Variants in GKAP1 observed in about 807,000 individuals in gnomAD.
GKAP1 encodes the protein G kinase-anchoring protein 1.
A neutral mutation model predicts 56.7 loss-of-function variants in GKAP1; 31 were observed. The observed-to-expected ratio is 0.55, with a 90% CI of 0.41 to 0.74. The LOEUF is 0.74. Ranked by LOEUF, GKAP1 falls within the 30% of genes least tolerant of loss-of-function variation. The pLI is 0.00. For missense variants in GKAP1, 364 were observed against 402.3 expected (o/e 0.90, Z 0.82); for synonymous variants, 151 against 138.6 (o/e 1.09, Z -0.63).
At chr9:83,815,721 T>C (rs954967194) in intron 2 of GKAP1, among the ~76,000 whole-genome samples, 2 of 152,180 alleles carry the variant, frequency 1.3e-5, no homozygotes, top group Non-Finnish European at 2.9e-5. Context: ...TTAATGTAGA[T>C]GCCAATTAGT....
intron 11 of GKAP1, 136 bp downstream of exon 11, chr9:83,742,394 T>G: frequency 1.6e-6 from 1 of 617,506 alleles, no homozygotes; most frequent in Non-Finnish European, 2.8e-6. Context: ...TCTTCATTCA[T>G]GGGCTATTAC....
At chr9:83,749,085 A>G (rs1391507028) in intron 9 of GKAP1, 1 of 152,158 alleles carries the variant, frequency 6.6e-6, no homozygotes, top group Non-Finnish European at 1.5e-5. Context: ...TTCTTCTCAC[A>G]TTACAAAAAT....
At chr9:83,759,120 C>T (rs958546773) in intron 8 of GKAP1, among the ~76,000 whole-genome samples, 1 of 152,152 alleles carries the variant, frequency 6.6e-6, no homozygotes, top group African/African-American at 2.4e-5. Flanking sequence ...AATACCTTGG[C>T]AGCCCCTCCC....
Position 83,768,938 on chromosome 9 carries a change from A to T in GKAP1, c.618T>A (p.Asp206Glu). The change falls in exon 8 of 13, where the codon GAT becomes GAA. Residue 206 changes from aspartate (D) to glutamate (E), a missense_variant. Transcript: ENST00000376371. ...ELSSSQTLSH[D>E]GGFFNRLEDD... is the part of the protein sequence containing the mutation. ...CTTCCAGTCTATTGAAGAATCCTCC[A>T]TCATGTGATAAAGTCTGAGAAGAAC... 1 of 1,610,470 alleles carries T rather than the reference A, an allele frequency of 6.2e-7. No homozygotes were observed. Among genetic ancestry groups the T allele is most frequent in the Non-Finnish European group, 8.5e-7 (1 of 1,178,964 alleles).
At chr9:83,802,802 G>A (rs1944352602) in intron 3 of GKAP1, among the ~76,000 whole-genome samples, 1 of 151,530 alleles carries the variant, frequency 6.6e-6, no homozygotes, top group Admixed American at 6.6e-5. Context: ...CTCCAGCCTG[G>A]ACAAGAGAGA....
chr9:83,782,521 G>C (rs1587720361), intron 6 of GKAP1, among the ~76,000 whole-genome samples: 1 of 150,908 alleles, frequency 6.6e-6, no homozygotes, highest in African/African-American at 2.4e-5. Context: ...ACTACGCCCA[G>C]CTAATTTTTT....
intron 4 of GKAP1, among the ~76,000 whole-genome samples, chr9:83,798,563 C>A (rs1314716941): frequency 6.6e-6 from 1 of 152,196 alleles, no homozygotes; most frequent in Non-Finnish European, 1.5e-5. Flanking sequence ...GCTGCCCAGG[C>A]TGGAGTGCAG....
intron 6 of GKAP1, among the ~76,000 whole-genome samples, chr9:83,780,778 G>A (rs994463436): frequency 6.6e-5 from 10 of 151,956 alleles, no homozygotes; most frequent in Non-Finnish European, 1.5e-4. Flanking sequence ...TCAAATCACA[G>A]GTTACTATAA....
chr9:83,799,648 G>C (rs930588745), intron 3 of GKAP1, among the ~76,000 whole-genome samples: 4 of 152,112 alleles, frequency 2.6e-5, no homozygotes, highest in African/African-American at 9.7e-5. Context: ...AGTAAAACAA[G>C]TGTGCTTTTA....
intron 2 of GKAP1, among the ~76,000 whole-genome samples, chr9:83,816,250 T>G (rs1458196324): frequency 6.6e-6 from 1 of 151,930 alleles, no homozygotes; most frequent in Non-Finnish European, 1.5e-5. Flanking sequence ...AAAACTCTGC[T>G]CCAAACACAC....
At chr9:83,786,819 G>A (rs1944071898) in intron 5 of GKAP1, among the ~76,000 whole-genome samples, 1 of 152,140 alleles carries the variant, frequency 6.6e-6, no homozygotes, top group Admixed American at 6.5e-5. Context: ...CTGGCTGGGA[G>A]TACGACATTT....
chr9:83,812,302 CGTATACATATATAT>C (rs1182732131), intron 2 of GKAP1, among the ~76,000 whole-genome samples: 1 of 145,312 alleles, frequency 6.9e-6, no homozygotes, highest in African/African-American at 2.5e-5. Context: ...TATATATATA[CGTATACATATATAT>C]GTATATATAC....
chr9:83,812,278 T>C (rs1182997597), intron 2 of GKAP1, among the ~76,000 whole-genome samples: 7 of 148,310 alleles, frequency 4.7e-5, no homozygotes, highest in Non-Finnish European at 8.9e-5. Context: ...CACATATATA[T>C]ACACATATAT....
chr9:83,758,671 C>T (rs1051566166), intron 8 of GKAP1, among the ~76,000 whole-genome samples: 4 of 151,882 alleles, frequency 2.6e-5, no homozygotes, highest in South Asian at 2.1e-4. Context: ...ATTGCTTGAA[C>T]CCAGGAGGTG....
Position 83,768,979 on chromosome 9 carries a change from A to G in GKAP1, c.586-9T>C, listed in dbSNP as rs759959130. The G allele has an allele frequency of 1.9e-6, 3 of 1,602,138 alleles. No individual in the cohort carries two copies. The highest frequency in any genetic ancestry group is 2.6e-6 in the Non-Finnish European group (3 of 1,175,846). On this transcript the variant is annotated splice_polypyrimidine_tract_variant and intron_variant, in intron 7 of 12. Coordinates refer to ENST00000376371, the MANE Select transcript of GKAP1 (RefSeq NM_025211.4). ...TGAGAAGAACTCAATTCCTGTCAAA[A>G]ATGAATTACGATTTACTATCATTCA...
At chr9:83,805,732 T>C (rs779309741) in intron 3 of GKAP1, among the ~76,000 whole-genome samples, 5 of 152,248 alleles carry the variant, frequency 3.3e-5, no homozygotes, top group Non-Finnish European at 7.3e-5. Flanking sequence ...TCTCTGGTTA[T>C]ATCTATAAAT....
In GKAP1 at chr9:83,748,859, A is replaced by T. The variant is rs188308288; in HGVS notation, c.841-487T>A. 3.9e-5 allele frequency: 6 copies of T among 152,376 alleles called. No individual in the cohort carries two copies. The East Asian group carries it at 1.2e-3, about 29-fold the overall frequency. The allele number at this position is 152,376 out of a possible 1,614,324, so 9.4% of individuals were successfully genotyped here. A position where few individuals can be genotyped will look rare whatever the true frequency, so the allele number is the denominator to read the frequency against. On this transcript the variant is annotated intron_variant, in intron 9 of 12. Coordinates refer to ENST00000376371, the MANE Select transcript of GKAP1 (RefSeq NM_025211.4). ...TGTGACTGAGAAAAATGAATTTTTA[A>T]TTTTAAACTTTAATTTTAAATTTAA...
At chr9:83,758,357 G>T (rs1292970551) in intron 8 of GKAP1, among the ~76,000 whole-genome samples, 1 of 152,142 alleles carries the variant, frequency 6.6e-6, no homozygotes, top group East Asian at 1.9e-4. Flanking sequence ...TACAAAAGGG[G>T]TTAGAAAACT....
Position 83,786,465 on chromosome 9 carries a change from C to T in GKAP1, c.439-1627G>A, listed in dbSNP as rs540529650. Among the ~76,000 whole-genome samples the T allele has an allele frequency of 1.8e-3, 267 of 151,578 alleles. 1 individual carries two copies. The highest frequency in any genetic ancestry group is 6.3e-3 in the African/African-American group (259 of 41,306). The stretch of plus-strand genomic sequence containing the variant: ...CTGAGGCAGGAGAATCACTTGAACC[C>T]GGGAGGCGGGGGTTGTGGTGAACCG... On this transcript the variant is annotated intron_variant, in intron 5 of 12. Coordinates refer to ENST00000376371, the MANE Select transcript of GKAP1 (RefSeq NM_025211.4).
Sources: gnomAD v4.1 joint callset for allele counts (sites outside exome capture counted in the v4.1 genomes callset) on GRCh38, gnomAD v4.1.1 for gene constraint, MANE v1.5 for transcripts, NCBI Gene and HGNC (gene_info 2026-07-23, HGNC 2026-07-21) for gene names.